The following PRKN variants were observed in gnomAD, a reference collection of about 807,000 sequenced individuals.
PRKN encodes the protein E3 ubiquitin-protein ligase parkin.
PRKN carries 56 observed loss-of-function variants against 59.5 expected under a neutral mutation model. The observed-to-expected ratio is 0.94, with a 90% CI of 0.76 to 1.18. The LOEUF is 1.18. Among genes scored for constraint, PRKN ranks in the 50% most tolerant of loss-of-function variants. PRKN has a pLI of 0.00. For synonymous variants in PRKN, 250 were observed against 222.1 expected (o/e 1.13, Z -1.12); for missense variants, 657 against 596.4 (o/e 1.10, Z -1.06).
intron 5 of PRKN, among the ~76,000 whole-genome samples, chr6:162,011,399 TA>T (rs1293585775): frequency 0.046 from 718 of 15,762 alleles, 148 homozygotes; most frequent in African/African-American, 0.27. Context: ...ATATATATTA[TA>T]AATATATAAT....
At chr6:162,569,526 G>A in intron 1 of PRKN, 1 of 710,074 alleles carries the variant, frequency 1.4e-6, no homozygotes, top group Non-Finnish European at 2.6e-6. Flanking sequence ...AAGACCACCA[G>A]CGCCTATGCA....
In PRKN at chr6:161,526,753, G is replaced by A. The variant is rs1419794792; in HGVS notation, c.1083+22101C>T. Among the ~76,000 whole-genome samples, 1 of 152,142 alleles carries A rather than the reference G, an allele frequency of 6.6e-6. No homozygotes were observed. Among genetic ancestry groups the A allele is most frequent in the Non-Finnish European group, 1.5e-5 (1 of 68,026 alleles). The stretch of plus-strand genomic sequence containing the variant: ...CTTTATCCTCTGAAGGTTCGATAAT[G>A]TAGTCTATGAAATAAACTGACAGTA... On this transcript the variant is annotated intron_variant, in intron 9 of 11. Coordinates refer to ENST00000366898, the MANE Select transcript of PRKN (RefSeq NM_004562.3). The surrounding 1 kb of genome is among the most constrained non-coding windows in gnomAD (Gnocchi z 4.1).
chr6:161,978,338 C>T (rs1375669576), intron 5 of PRKN, among the ~76,000 whole-genome samples: 1 of 152,228 alleles, frequency 6.6e-6, no homozygotes, highest in Non-Finnish European at 1.5e-5. Flanking sequence ...GTGTGAGCCA[C>T]TGTGCCCGGC....
In PRKN at chr6:161,460,495, T is replaced by G. The variant is rs574793214; in HGVS notation, c.1084-73618A>C. ...ATCAGCAGGAAGGGCCAGGGGACAC[T>G]TCTCTGAACCCCCGTGATCACTTGG... On this transcript the variant is annotated intron_variant, in intron 9 of 11. Coordinates refer to ENST00000366898, the MANE Select transcript of PRKN (RefSeq NM_004562.3). The surrounding 1 kb of genome is among the most constrained non-coding windows in gnomAD (Gnocchi z 5.0). Among the ~76,000 whole-genome samples, 4 of 152,272 alleles carry G rather than the reference T, an allele frequency of 2.6e-5. No individual in the cohort carries two copies. The South Asian group carries it at 6.2e-4, about 24-fold the overall frequency.
At chr6:162,640,803 A>G (rs1025196546) in intron 1 of PRKN, among the ~76,000 whole-genome samples, 4 of 152,176 alleles carry the variant, frequency 2.6e-5, no homozygotes, top group African/African-American at 9.7e-5. Context: ...ATGCTGGTAC[A>G]GGCCTTTCCA....
rs538743652 is a variant in PRKN, at chr6:161,646,402, G to A, written c.872-76986C>T. Among the ~76,000 whole-genome samples, 631 of 115,996 alleles carry A rather than the reference G, an allele frequency of 5.4e-3. 11 individuals are homozygous for A. The highest frequency in any genetic ancestry group is 0.02 in the African/African-American group (593 of 29,164). The allele number at this position is 115,996 out of a possible 152,430, so 76.1% of individuals were successfully genotyped here. A position where few individuals can be genotyped will look rare whatever the true frequency, so the allele number is the denominator to read the frequency against. On this transcript the variant is annotated intron_variant, in intron 7 of 11. Coordinates refer to ENST00000366898, the MANE Select transcript of PRKN (RefSeq NM_004562.3). Reference sequence around the variant, plus strand: ...CTGCGTGTGCGTGCGTGGCGGAGGAGGTGGCGTATCAGTGACAGTGGTCAC... The same window carrying A: ...CTGCGTGTGCGTGCGTGGCGGAGGAAGTGGCGTATCAGTGACAGTGGTCAC...
intron 2 of PRKN, among the ~76,000 whole-genome samples, chr6:162,282,071 C>A (rs1780933967): frequency 6.6e-6 from 1 of 152,204 alleles, no homozygotes; most frequent in Admixed American, 6.5e-5. Context: ...TCTGCCCATA[C>A]TCACCCCCTG....
intron 1 of PRKN, among the ~76,000 whole-genome samples, chr6:162,644,286 A>AT (rs1778080000): frequency 6.6e-6 from 1 of 152,074 alleles, no homozygotes. Context: ...TGCACCCCCC[A>AT]TGGAAGGCTC....
At chr6:161,973,813 G>GT (rs1434404604) in intron 5 of PRKN, among the ~76,000 whole-genome samples, 9 of 152,342 alleles carry the variant, frequency 5.9e-5, no homozygotes, top group African/African-American at 1.9e-4. Context: ...GGGTCAAACA[G>GT]TAAGAGGTGA....
chr6:161,779,335 G>A (rs950175085), intron 7 of PRKN, among the ~76,000 whole-genome samples: 10 of 151,388 alleles, frequency 6.6e-5, no homozygotes, highest in African/African-American at 1.9e-4. Flanking sequence ...GGTTCCATCA[G>A]CTCTTGTTCC....
intron 9 of PRKN, among the ~76,000 whole-genome samples, chr6:161,509,582 GA>G (rs1436216075): frequency 2.7e-5 from 4 of 150,278 alleles, no homozygotes; most frequent in Non-Finnish European, 4.4e-5. Context: ...CCTTTGGGGG[GA>G]AAAAAAGAAA....
intron 3 of PRKN, among the ~76,000 whole-genome samples, chr6:162,241,937 C>T (rs565252177): frequency 6.6e-6 from 1 of 151,906 alleles, no homozygotes; most frequent in South Asian, 2.1e-4. Flanking sequence ...GGCTTCCCCC[C>T]ACCCCCAACA....
chr6:161,570,340 T>C (rs1358635138), intron 7 of PRKN, among the ~76,000 whole-genome samples: 1 of 147,180 alleles, frequency 6.8e-6, no homozygotes, highest in African/African-American at 2.5e-5. Context: ...CCTAAATATA[T>C]ATATTTATAT....
chr6:161,895,820 T>C (rs1303155100), intron 6 of PRKN, among the ~76,000 whole-genome samples: 3 of 152,074 alleles, frequency 2.0e-5, no homozygotes, highest in South Asian at 2.1e-4. Context: ...AATGGACACA[T>C]GAATGAATGG....
At chr6:162,113,141 G>C (rs1289812442) in intron 4 of PRKN, among the ~76,000 whole-genome samples, 1 of 152,174 alleles carries the variant, frequency 6.6e-6, no homozygotes, top group Non-Finnish European at 1.5e-5. Context: ...AAGAAGCTGT[G>C]CCTCATGTAA....
At chr6:161,988,502 A>G (rs2128257137) in intron 5 of PRKN, among the ~76,000 whole-genome samples, 1 of 152,094 alleles carries the variant, frequency 6.6e-6, no homozygotes, top group Non-Finnish European at 1.5e-5. Flanking sequence ...ACAAAATAAA[A>G]TAAAATAAAA....
chr6:161,984,604 G>A (rs1781368616), intron 5 of PRKN, among the ~76,000 whole-genome samples: 1 of 152,086 alleles, frequency 6.6e-6, no homozygotes, highest in Admixed American at 6.6e-5. Flanking sequence ...TTCCAAGACT[G>A]ATTTCCATAT....
intron 7 of PRKN, among the ~76,000 whole-genome samples, chr6:161,698,540 A>C (rs1402508307): frequency 6.6e-6 from 1 of 152,132 alleles, no homozygotes; most frequent in African/African-American, 2.4e-5. Flanking sequence ...ACAAATCTGA[A>C]CAACTAACAC....
At chr6:161,777,891 T>C (rs949655768) in intron 7 of PRKN, among the ~76,000 whole-genome samples, 2 of 127,922 alleles carry the variant, frequency 1.6e-5, no homozygotes, top group East Asian at 2.3e-4. Flanking sequence ...TATGTATATA[T>C]ATGTATACAT....
Sources: allele counts gnomAD v4.1 joint callset (sites outside exome capture counted in the v4.1 genomes callset), GRCh38; gene constraint gnomAD v4.1.1; non-coding constraint Gnocchi (gnomAD v3.1); transcripts MANE v1.5; gene names NCBI Gene and HGNC (gene_info 2026-07-23, HGNC 2026-07-21).